Variants in PHLPP1 observed in about 807,000 individuals in gnomAD.
The protein encoded by PHLPP1 is PH domain leucine-rich repeat-containing protein phosphatase 1.
A neutral mutation model predicts 117.2 loss-of-function variants in PHLPP1; 42 were observed. The ratio of observed to expected loss-of-function variants is 0.36; its 90% CI spans 0.28 to 0.46. PHLPP1 has a LOEUF of 0.46. Ranked by LOEUF, PHLPP1 falls within the 20% of genes least tolerant of loss-of-function variation. The pLI, the probability that PHLPP1 is intolerant of heterozygous loss-of-function variation, is 1.00. For synonymous variants in PHLPP1, 1,042 were observed against 970.7 expected, an observed-to-expected ratio of 1.07 and a Z score of -1.37; for missense variants, 2,084 against 2,241.9, an observed-to-expected ratio of 0.93 and a Z score of 1.42.
At chr18:62,742,625 G>A (rs1911562762) in intron 1 of PHLPP1, among the ~76,000 whole-genome samples, 1 of 152,128 alleles carries the variant, frequency 6.6e-6, no homozygotes, top group South Asian at 2.1e-4. Context: ...CAGTAGAGAC[G>A]GGGTTTCACC....
intron 1 of PHLPP1, among the ~76,000 whole-genome samples, chr18:62,753,210 G>A (rs1911912584): frequency 2.6e-5 from 4 of 152,144 alleles, no homozygotes; most frequent in African/African-American, 9.7e-5. Context: ...TTATGGTTAA[G>A]GATGTTTTCT....
At chr18:62,968,781 G>A (rs1056528078) in intron 14 of PHLPP1, among the ~76,000 whole-genome samples, 5 of 151,720 alleles carry the variant, frequency 3.3e-5, no homozygotes, top group Non-Finnish European at 7.4e-5. Flanking sequence ...TGGTCCACCC[G>A]CCTCAGCCTC....
intron 1 of PHLPP1, among the ~76,000 whole-genome samples, chr18:62,802,020 GCCTTT>G (rs1285251974): frequency 6.6e-6 from 1 of 151,644 alleles, no homozygotes; most frequent in East Asian, 1.9e-4. Context: ...TTTCCTTGTT[GCCTTT>G]CTTTTCTCTC....
rs532708839 is a variant in PHLPP1, at chr18:62,971,834, C to G, written c.3561-680C>G. 4.5e-4 allele frequency among the ~76,000 whole-genome samples: 69 copies of G among 152,078 alleles called. 1 individual carries two copies. Among genetic ancestry groups the G allele is most frequent in the African/African-American group, 1.3e-3 (56 of 41,506 alleles). Reference sequence around the variant, plus strand: ...GGCAGATTGCTTAAGCTCAGGAGTTCGAGACCAGCCTGGCCAACATGGTGA... The same window carrying G: ...GGCAGATTGCTTAAGCTCAGGAGTTGGAGACCAGCCTGGCCAACATGGTGA... On this transcript the variant is annotated intron_variant, in intron 14 of 16. Transcript: ENST00000262719.
chr18:62,726,531 T>C (rs1911075313), intron 1 of PHLPP1, among the ~76,000 whole-genome samples: 1 of 151,522 alleles, frequency 6.6e-6, no homozygotes, highest in South Asian at 2.1e-4. Flanking sequence ...CTAGTACTTG[T>C]AGTATTTTAT....
At chr18:62,782,189 C>A (rs74390267) in intron 1 of PHLPP1, among the ~76,000 whole-genome samples, 1 of 152,344 alleles carries the variant, frequency 6.6e-6, no homozygotes, top group Non-Finnish European at 1.5e-5. Context: ...TGATGCTCCT[C>A]TTGCTCAACT....
intron 1 of PHLPP1, among the ~76,000 whole-genome samples, chr18:62,802,591 T>C (rs773609339): frequency 4.6e-5 from 7 of 152,244 alleles, no homozygotes; most frequent in Non-Finnish European, 8.8e-5. Context: ...TAATTTGGGC[T>C]AAGTATCATA....
intron 1 of PHLPP1, among the ~76,000 whole-genome samples, chr18:62,737,378 C>T (rs543715653): frequency 4.6e-5 from 7 of 152,162 alleles, no homozygotes; most frequent in Non-Finnish European, 7.4e-5. Context: ...GGACTTGACT[C>T]GATAAGCAAG....
At chr18:62,905,068 T>A (rs915597595) in intron 7 of PHLPP1, among the ~76,000 whole-genome samples, 156 bp from the exon 8 acceptor site, 1 of 152,248 alleles carries the variant, frequency 6.6e-6, no homozygotes, top group African/African-American at 2.4e-5. Flanking sequence ...TTTTTACTTT[T>A]CCTGCACTTT....
chr18:62,759,340 GA>G (rs1912137170), intron 1 of PHLPP1, among the ~76,000 whole-genome samples: 1 of 152,158 alleles, frequency 6.6e-6, no homozygotes, highest in Non-Finnish European at 1.5e-5. Context: ...CCTGTTAAAT[GA>G]AAACTCTTTT....
intron 16 of PHLPP1, among the ~76,000 whole-genome samples, chr18:62,975,992 C>T (rs1410496918): frequency 6.6e-6 from 1 of 152,190 alleles, no homozygotes; most frequent in Non-Finnish European, 1.5e-5. Flanking sequence ...CTCTAAGCCT[C>T]AGTTTTCTCA....
intron 1 of PHLPP1, among the ~76,000 whole-genome samples, chr18:62,731,924 G>C (rs996001055): frequency 8.5e-5 from 13 of 152,198 alleles, no homozygotes; most frequent in Non-Finnish European, 1.9e-4. Context: ...TGAAGGCTGA[G>C]AAAGGTGAGG....
At chr18:62,726,583 C>CTTTTTTTTTTTTTTTTTTTTTTT (rs869190741) in intron 1 of PHLPP1, among the ~76,000 whole-genome samples, 1 of 110,044 alleles carries the variant, frequency 9.1e-6, no homozygotes, top group African/African-American at 3.6e-5. Flanking sequence ...CTGTTCTGTT[C>CTTTTTTTTTTTTTTTTTTTTTTT]TTTTTTTTTT....
chr18:62,963,385 A>G lies in PHLPP1; in HGVS notation c.3473A>G (p.Lys1158Arg). The change falls in exon 14 of 17, where the codon AAG (lysine) becomes AGG (arginine). Residue 1158 changes from lysine (K) to arginine (R), a missense_variant. Physicochemically the swap from Lys to Arg is conservative, Grantham distance 26. Transcript: ENST00000262719. ...CTTGTTAGTAATATCCGCTGTTTCA[A>G]GATTGATCAGCCTTCTACAGGAGAC... is the stretch of plus-strand genomic sequence containing the variant. ...LELLNNIRCF[K>R]IDQPSTGDAS... The G allele has an allele frequency of 6.2e-7, 1 of 1,612,502 alleles. No individual in the cohort carries two copies. The highest frequency in any genetic ancestry group is 8.5e-7 in the Non-Finnish European group (1 of 1,178,944).
In PHLPP1 at chr18:62,716,277, G is replaced by C. The variant is rs1360388725; in HGVS notation, c.594G>C (p.Gln198His). ...CGGACCGGGACTGGGTGAGGCACCA[G>C]CTCCAGCGCGGCTGCGTGCACGTCT... The part of the protein sequence containing the change: ...QPSDRDWVRH[Q>H]LQRGCVHVFD... Residue 198 changes from glutamine to histidine, a missense_variant, in exon 1 of 17, where the codon CAG becomes CAC. Transcript: ENST00000262719. This position sits in a 1 kb window ranked among gnomAD's most constrained non-coding sequence, Gnocchi z 5.7. 4.6e-6 allele frequency: 7 copies of C among 1,530,678 alleles called. No homozygotes were observed. Among genetic ancestry groups the C allele is most frequent in the East Asian group, 2.5e-5 (1 of 40,460 alleles). 94.8% of individuals were successfully genotyped at this position (1,530,678 alleles called of 1,614,324 possible). A position where few individuals can be genotyped will look rare whatever the true frequency, so the allele number is the denominator to read the frequency against.
At chr18:62,853,493 C>T (rs914392956) in intron 3 of PHLPP1, among the ~76,000 whole-genome samples, 1 of 152,042 alleles carries the variant, frequency 6.6e-6, no homozygotes, top group African/African-American at 2.4e-5. Context: ...CCTCAGCCTC[C>T]TGAGTAGCTG....
rs199537368 is a variant in PHLPP1, at chr18:62,978,514, G to A, written c.4237G>A (p.Asp1413Asn). The part of the protein sequence containing the change: ...CTLAQSYGCH[D>N]SISAVVVQLS... ...CCTGGCCCAGAGCTACGGCTGCCAC[G>A]ACAGCATCAGCGCTGTGGTGGTGCA... Residue 1413 changes from aspartate (D) to asparagine (N), a missense_variant, in exon 17 of 17, where the codon GAC (aspartate) becomes AAC (asparagine). Transcript: ENST00000262719. The surrounding 1 kb of genome is among the most constrained non-coding windows in gnomAD (Gnocchi z 7.0). 37 of 1,609,578 alleles carry A rather than the reference G, an allele frequency of 2.3e-5. No individual in the cohort carries two copies. In the East Asian group the frequency reaches 4.9e-4, roughly 21 times the overall value.
chr18:62,761,852 T>G (rs1195629434), intron 1 of PHLPP1, among the ~76,000 whole-genome samples: 1 of 152,064 alleles, frequency 6.6e-6, no homozygotes, highest in Non-Finnish European at 1.5e-5. Flanking sequence ...GAAGCAGTCC[T>G]CCTGCCTCAG....
intron 1 of PHLPP1, among the ~76,000 whole-genome samples, chr18:62,812,276 T>G (rs1204564985): frequency 6.6e-6 from 1 of 152,150 alleles, no homozygotes; most frequent in Non-Finnish European, 1.5e-5. Context: ...TTTTATTATG[T>G]ACTTAGGAGT....
Sources: gnomAD v4.1 joint callset for allele counts (sites outside exome capture counted in the v4.1 genomes callset) on GRCh38, gnomAD v4.1.1 for gene constraint, Gnocchi (gnomAD v3.1) non-coding constraint, MANE v1.5 for transcripts, NCBI Gene and HGNC (gene_info 2026-07-23, HGNC 2026-07-21) for gene names.